Variants in KMT2C observed in about 807,000 individuals in gnomAD.
KMT2C encodes lysine methyltransferase 2C.
A neutral mutation model predicts 507.9 loss-of-function variants in KMT2C; 88 were observed. That is an observed-to-expected ratio of 0.17 (90% CI 0.15 to 0.21). The LOEUF (loss-of-function observed/expected upper bound fraction) is 0.21, where lower values mean the gene tolerates loss of function less well. Among genes scored for constraint, KMT2C ranks in the 10% least tolerant of loss-of-function variants. The probability of loss-of-function intolerance (pLI) is 1.00; values close to 1 mark genes in which losing one functional copy is unlikely to be tolerated. For synonymous variants in KMT2C, 2,049 were observed against 2,080.8 expected, an observed-to-expected ratio of 0.98 and a Z score of 0.42; for missense variants, 4,954 against 5,957.8, an observed-to-expected ratio of 0.83 and a Z score of 5.55.
At chr7:152,231,269 T>G (rs2095100240) in intron 16 of KMT2C, among the ~76,000 whole-genome samples, 1 of 152,250 alleles carries the variant, frequency 6.6e-6, no homozygotes, top group Non-Finnish European at 1.5e-5. Flanking sequence ...CCCACTGGTT[T>G]GTTAATAATT....
At chr7:152,153,078 T>C (rs2091769345) in intron 48 of KMT2C, 124 bp from the exon 49 acceptor site, 1 of 1,264,596 alleles carries the variant, frequency 7.9e-7, no homozygotes, top group African/African-American at 1.5e-5. Context: ...ATCCAACAAA[T>C]TTTATTTAGA....
intron 1 of KMT2C, among the ~76,000 whole-genome samples, chr7:152,417,779 C>G (rs2097754293): frequency 6.6e-6 from 1 of 151,366 alleles, no homozygotes; most frequent in Non-Finnish European, 1.5e-5. Flanking sequence ...GTAGCTGGGA[C>G]TAGAGGCGCC....
At position 152,181,250 on chromosome 7, in the gene KMT2C, C is replaced by T. The variant is rs1431253492; in HGVS notation, c.6610G>A (p.Ala2204Thr). ...VTNQRHSDPY[A>T]HPPGTPRPGI... is the part of the protein sequence containing the mutation. Reference sequence around the variant, plus strand: ...GGTCTTGGTGTTCCAGGAGGATGAGCATATGGATCAGAATGCCTCTGATTT... The same window carrying T: ...GGTCTTGGTGTTCCAGGAGGATGAGTATATGGATCAGAATGCCTCTGATTT... Residue 2204 changes from alanine to threonine, a missense_variant, in exon 36 of 59, where the codon GCT becomes ACT. Coordinates refer to ENST00000262189, the MANE Select transcript of KMT2C (RefSeq NM_170606.3). 1 of 1,613,830 alleles carries T rather than the reference C, an allele frequency of 6.2e-7. No homozygotes were observed. Among genetic ancestry groups the T allele is most frequent in the Non-Finnish European group, 8.5e-7 (1 of 1,180,010 alleles).
At chr7:152,306,707 C>T (rs988785663) in intron 6 of KMT2C, among the ~76,000 whole-genome samples, 3 of 152,174 alleles carry the variant, frequency 2.0e-5, no homozygotes, top group Non-Finnish European at 4.4e-5. Context: ...TACCAATTTG[C>T]ATCTGCAGCA....
At chr7:152,292,792 A>G (rs752828032) in intron 6 of KMT2C, among the ~76,000 whole-genome samples, 3 of 152,134 alleles carry the variant, frequency 2.0e-5, no homozygotes, top group Non-Finnish European at 4.4e-5. Flanking sequence ...GAAGCTTCTC[A>G]GCTTTTCAAC....
chr7:152,186,130 A>C (rs2093620762), intron 33 of KMT2C, among the ~76,000 whole-genome samples: 1 of 152,206 alleles, frequency 6.6e-6, no homozygotes, highest in African/African-American at 2.4e-5. Context: ...AAAATGAAGA[A>C]GCCTGGGTAA....
chr7:152,231,048 C>T (rs922235188), intron 16 of KMT2C, among the ~76,000 whole-genome samples: 17 of 152,190 alleles, frequency 1.1e-4, no homozygotes, highest in East Asian at 3.9e-4. Context: ...AACTCCTGAC[C>T]GCAAATGATC....
chr7:152,158,813 C>G (rs368932773), intron 44 of KMT2C, 50 bp downstream of exon 44: 3 of 1,562,446 alleles, frequency 1.9e-6, no homozygotes, highest in Non-Finnish European at 2.6e-6. Context: ...CTGCCCCCAG[C>G]CTATATCCTT....
At chr7:152,419,141 G>C (rs1273564373) in intron 1 of KMT2C, among the ~76,000 whole-genome samples, 1 of 152,256 alleles carries the variant, frequency 6.6e-6, no homozygotes, top group Admixed American at 6.5e-5. Context: ...CACAAGGTCA[G>C]GAGTTTGAGA....
chr7:152,291,656 C>G (rs533007709), intron 6 of KMT2C, among the ~76,000 whole-genome samples: 1 of 152,322 alleles, frequency 6.6e-6, no homozygotes, highest in African/African-American at 2.4e-5. Context: ...TCTTCCATCA[C>G]TTCAAACTCA....
Position 152,187,339 on chromosome 7 carries a change from G to A in KMT2C, c.4931C>T (p.Ala1644Val), listed in dbSNP as rs941555670. 1.2e-6 allele frequency: 2 copies of A among 1,614,122 alleles called. No homozygotes were observed. The highest frequency in any genetic ancestry group is 1.7e-6 in the Non-Finnish European group (2 of 1,180,014). ...GGCAACAGTTGCCATTTCACCCAGA[G>A]CCTCCTCTTTCTCCCACTTAAGCGT... ...RSTLKWEKEE[A>V]LGEMATVAPV... The change falls in exon 33 of 59, where the codon GCT (alanine) becomes GTT (valine). Residue 1644 changes from alanine (A) to valine (V), a missense_variant. Ala to Val is a moderately conservative substitution (Grantham distance 64, BLOSUM62 0). This residue lies in a region of KMT2C where 195 missense variants were observed against 183.7 expected (regional missense o/e 1.06). Transcript: ENST00000262189.
rs111926624 is a variant in KMT2C, at chr7:152,231,814, TTAAC to T, written c.2770-1497_2770-1494del. ...AAAAGAAGGAAGGAAGTTTGGTTGG[TTAAC>T]TAAACAGAAGGACTACATCTCAGTA... On this transcript the variant is annotated intron_variant, in intron 16 of 58. Coordinates refer to ENST00000262189, the MANE Select transcript of KMT2C (RefSeq NM_170606.3). 9.5e-3 allele frequency among the ~76,000 whole-genome samples: 1,420 copies of T among 149,238 alleles called. 25 individuals are homozygous for T. Among genetic ancestry groups the T allele is most frequent in the African/African-American group, 0.033 (1,365 of 40,954 alleles).
chr7:152,371,716 C>T (rs1685405298), intron 1 of KMT2C, among the ~76,000 whole-genome samples: 1 of 151,982 alleles, frequency 6.6e-6, no homozygotes, highest in Non-Finnish European at 1.5e-5. Context: ...CAGGTTCAAG[C>T]AGTTCTCCCA....
chr7:152,293,365 T>C (rs1273301392), intron 6 of KMT2C, among the ~76,000 whole-genome samples: 1 of 152,190 alleles, frequency 6.6e-6, no homozygotes, highest in Non-Finnish European at 1.5e-5. Context: ...GTTTTTGAAG[T>C]ATATTTTCAA....
chr7:152,400,472 A>G (rs1454287404), intron 1 of KMT2C, among the ~76,000 whole-genome samples: 1 of 152,222 alleles, frequency 6.6e-6, no homozygotes, highest in African/African-American at 2.4e-5. Context: ...AAAGGGATGG[A>G]TGAAAATATG....
chr7:152,366,093 A>G (rs991894741), intron 1 of KMT2C, among the ~76,000 whole-genome samples: 6 of 152,230 alleles, frequency 3.9e-5, no homozygotes, highest in Non-Finnish European at 8.8e-5. Context: ...AAAAAGAATA[A>G]CAAATGTTGG....
chr7:152,247,602 T>C (rs1166209492), intron 14 of KMT2C, among the ~76,000 whole-genome samples: 18 of 152,050 alleles, frequency 1.2e-4, no homozygotes, highest in African/African-American at 3.9e-4. Context: ...CTATATTTAC[T>C]GCAGCACAGA....
chr7:152,359,779 T>G (rs1440720596), intron 1 of KMT2C, among the ~76,000 whole-genome samples: 2 of 152,128 alleles, frequency 1.3e-5, no homozygotes, highest in Non-Finnish European at 2.9e-5. Context: ...CTGGCTGTGG[T>G]GGCTCACATC....
intron 3 of KMT2C, among the ~76,000 whole-genome samples, chr7:152,329,519 G>A (rs1291765622): frequency 2.6e-5 from 4 of 151,760 alleles, no homozygotes; most frequent in Non-Finnish European, 4.4e-5. Flanking sequence ...GCAGTGAGCT[G>A]TGATCACACT....
Sources: gnomAD v4.1 joint callset for allele counts (sites outside exome capture counted in the v4.1 genomes callset) on GRCh38, gnomAD v4.1.1 for gene constraint, gnomAD v4.1.1 regional missense constraint, MANE v1.5 for transcripts, NCBI Gene and HGNC (gene_info 2026-07-23, HGNC 2026-07-21) for gene names.